The following SLC5A9 variants were observed in gnomAD, a reference collection of about 807,000 sequenced individuals.
SLC5A9 encodes the protein sodium/glucose cotransporter 4.
SLC5A9 carries 59 observed loss-of-function variants against 70.9 expected under a neutral mutation model. The ratio of observed to expected loss-of-function variants is 0.83; its 90% CI spans 0.68 to 1.03. SLC5A9 has a LOEUF of 1.03. SLC5A9 is among the 50% of genes least tolerant of loss of function. The pLI, the probability that SLC5A9 is intolerant of heterozygous loss-of-function variation, is 0.00. For synonymous variants in SLC5A9, 340 were observed against 346.5 expected, an observed-to-expected ratio of 0.98 and a Z score of 0.21; for missense variants, 832 against 881.1, an observed-to-expected ratio of 0.94 and a Z score of 0.71.
rs1396251618 is a variant in SLC5A9 at position 48,235,890 on chromosome 1, C to G, written c.1292+11C>G. 3 of 1,613,948 alleles carry G rather than the reference C, an allele frequency of 1.9e-6. No homozygotes were observed. The highest frequency in any genetic ancestry group is 1.7e-6 in the Non-Finnish European group (2 of 1,179,954). On this transcript the variant is annotated intron_variant, in intron 10 of 13. Transcript: ENST00000438567. The stretch of plus-strand genomic sequence containing the variant: ...GATGGTGGTGGGCAGGTGCGCCGGC[C>G]CCTCCTTCCCTCCTTCCGAAGTGCC...
rs939126083 is a variant in SLC5A9, at chr1:48,224,772, G to A, written c.211G>A (p.Gly71Arg). The change falls in exon 2 of 14, where the codon GGG becomes AGG. Residue 71 changes from glycine to arginine, a missense_variant. Gly to Arg is a moderately radical substitution (Grantham distance 125). Transcript: ENST00000438567. ...GACCATTGGCGGCTATTTCCTGGCC[G>A]GGAGGTCCATGAGCTGGTGGCCAGT... ...RGTIGGYFLA[G>R]RSMSWWPIGA... 50 of 1,613,972 alleles carry A rather than the reference G, an allele frequency of 3.1e-5. No homozygotes were observed. The highest frequency in any genetic ancestry group is 1.6e-4 in the Middle Eastern group (1 of 6,084).
intron 12 of SLC5A9, 65 bp from the exon 13 acceptor site, chr1:48,242,392 C>T: frequency 6.6e-7 from 1 of 1,515,694 alleles, no homozygotes; most frequent in Non-Finnish European, 8.9e-7. Context: ...ATAAATGGGC[C>T]TCTGTTCTTC....
At chr1:48,230,552 AC>A in intron 4 of SLC5A9, 47 bp from the exon 5 acceptor site, 1 of 1,356,146 alleles carries the variant, frequency 7.4e-7, no homozygotes, top group Non-Finnish European at 1.1e-6. Flanking sequence ...ATACAACCCT[AC>A]TGAGGGCCTC....
chr1:48,222,914 G>A lies in SLC5A9; in HGVS notation c.162+16G>A. On this transcript the variant is annotated intron_variant, in intron 1 of 13. Transcript: ENST00000438567. ...GGGGATCTGGGTAAGTGGGCCCTGAGGCTGGGGCTAGCAGGGGAGGTAGTA... is the reference window on the plus strand; with the variant it reads ...GGGGATCTGGGTAAGTGGGCCCTGAAGCTGGGGCTAGCAGGGGAGGTAGTA... 6.2e-7 allele frequency: 1 copy of A among 1,613,558 alleles called. No homozygotes were observed. The highest frequency in any genetic ancestry group is 1.7e-5 in the Admixed American group (1 of 59,976).
intron 3 of SLC5A9, 131 bp from the exon 4 acceptor site, chr1:48,229,164 G>T (rs946162052): frequency 1.2e-6 from 2 of 1,614,004 alleles, no homozygotes; most frequent in Non-Finnish European, 1.7e-6. Context: ...GGGAGGACTG[G>T]GGTCAGGTCC....
intron 2 of SLC5A9, among the ~76,000 whole-genome samples, chr1:48,225,099 G>A (rs1488935609): frequency 1.3e-5 from 2 of 152,252 alleles, no homozygotes; most frequent in East Asian, 1.9e-4. Context: ...GCTGAGTGGG[G>A]CAGATAGATT....
At chr1:48,228,419 C>T (rs180718958) in intron 2 of SLC5A9, 3 of 185,412 alleles carry the variant, frequency 1.6e-5, no homozygotes, top group East Asian at 1.4e-4. Flanking sequence ...CTCAGTCCCT[C>T]GGCTCCTCCC....
intron 13 of SLC5A9, among the ~76,000 whole-genome samples, chr1:48,246,176 G>A (rs1441939479): frequency 6.6e-6 from 1 of 152,052 alleles, no homozygotes; most frequent in African/African-American, 2.4e-5. Flanking sequence ...TCAGAAGGTT[G>A]CCAAGGGAAT....
chr1:48,223,276 G>A (rs544301394), intron 1 of SLC5A9, among the ~76,000 whole-genome samples: 29 of 152,206 alleles, frequency 1.9e-4, no homozygotes, highest in South Asian at 6.2e-4. Context: ...TCCTGCATTC[G>A]TTAGCATCTT....
chr1:48,225,541 TAG>T (rs1389143164), intron 2 of SLC5A9, among the ~76,000 whole-genome samples: 1 of 152,040 alleles, frequency 6.6e-6, no homozygotes, highest in Non-Finnish European at 1.5e-5. Flanking sequence ...AAATTACCAG[TAG>T]AGTCATCAGC....
Position 48,239,744 on chromosome 1 carries a change from A to G in SLC5A9, c.1677+207A>G, listed in dbSNP as rs1293047087. Among the ~76,000 whole-genome samples the G allele has an allele frequency of 6.6e-6, 1 of 152,238 alleles. No homozygotes were observed. Among genetic ancestry groups the G allele is most frequent in the Non-Finnish European group, 1.5e-5 (1 of 68,042 alleles). On this transcript the variant is annotated intron_variant, in intron 12 of 13. Transcript: ENST00000438567. This position sits in a 1 kb window ranked among gnomAD's most constrained non-coding sequence, Gnocchi z 4.2. Reference sequence around the variant, plus strand: ...GAAAATTACTCAGTGAGTACTTACTATGTGCTAGGCACTGTGCTGGGCTTA... The same window carrying G: ...GAAAATTACTCAGTGAGTACTTACTGTGTGCTAGGCACTGTGCTGGGCTTA...
At chr1:48,229,200 G>A in intron 3 of SLC5A9, 95 bp from the exon 4 acceptor site, 1 of 1,614,072 alleles carries the variant, frequency 6.2e-7, no homozygotes, top group South Asian at 1.1e-5. Context: ...TCTGTTCGGG[G>A]GCCTCCCACA....
chr1:48,233,503 G>C, intron 8 of SLC5A9, 152 bp from the exon 9 acceptor site: 1 of 623,698 alleles, frequency 1.6e-6, no homozygotes, highest in Admixed American at 2.5e-5. Flanking sequence ...ATTTACCAAA[G>C]ACCCAGACAC....
intron 2 of SLC5A9, among the ~76,000 whole-genome samples, chr1:48,227,077 A>C (rs943724063): frequency 2.6e-5 from 4 of 151,598 alleles, no homozygotes; most frequent in Admixed American, 2.0e-4. Context: ...ACGTGTGTGC[A>C]TACCTGTGCG....
intron 2 of SLC5A9, among the ~76,000 whole-genome samples, chr1:48,225,618 T>A (rs1314069379): frequency 6.6e-6 from 1 of 151,980 alleles, no homozygotes; most frequent in African/African-American, 2.4e-5. Context: ...CATGTGTGCA[T>A]ACCCACTCCC....
rs370045343 is a variant in SLC5A9 at position 48,224,733 on chromosome 1, C to T, written c.172C>T (p.Arg58Cys). ...TCTATTTCCTTTCCAGTCGTCCATC[C>T]GTGCAAGTCGAGGGACCATTGGCGG... ...VIAVGIWSSI[R>C]ASRGTIGGYF... Residue 58 changes from arginine to cysteine, a missense_variant, in exon 2 of 14, where the codon CGT becomes TGT. By Grantham distance (180) the Arg-to-Cys change is radical. Coordinates refer to ENST00000438567, the MANE Select transcript of SLC5A9 (RefSeq NM_001011547.3). 17 of 1,614,060 alleles carry T rather than the reference C, an allele frequency of 1.1e-5. No individual in the cohort carries two copies. Among genetic ancestry groups the T allele is most frequent in the African/African-American group, 5.3e-5 (4 of 75,022 alleles).
At chr1:48,243,732 GA>G (rs928108968) in intron 13 of SLC5A9, among the ~76,000 whole-genome samples, 3 of 146,506 alleles carry the variant, frequency 2.0e-5, no homozygotes, top group South Asian at 2.2e-4. Flanking sequence ...AAAAGTAAAA[GA>G]AAAAAAAAGG....
intron 13 of SLC5A9, among the ~76,000 whole-genome samples, chr1:48,242,826 A>G (rs1253380826): frequency 2.0e-5 from 3 of 152,346 alleles, no homozygotes; most frequent in Middle Eastern, 3.4e-3. Context: ...CTGATCAAGT[A>G]TAAGTGGAAA....
intron 1 of SLC5A9, 141 bp downstream of exon 1, chr1:48,223,039 A>T: frequency 1.1e-6 from 1 of 874,230 alleles, no homozygotes; most frequent in South Asian, 1.7e-5. Flanking sequence ...GGCCTTCAGG[A>T]ATCAGGCTCC....
Sources: allele counts gnomAD v4.1 joint callset (sites outside exome capture counted in the v4.1 genomes callset), GRCh38; gene constraint gnomAD v4.1.1; non-coding constraint Gnocchi (gnomAD v3.1); transcripts MANE v1.5; gene names NCBI Gene and HGNC (gene_info 2026-07-23, HGNC 2026-07-21).